The following PREX1 variants were observed in gnomAD, a reference collection of about 807,000 sequenced individuals.
PREX1 encodes phosphatidylinositol 3,4,5-trisphosphate-dependent Rac exchanger 1 protein.
A neutral mutation model predicts 198.3 loss-of-function variants in PREX1; 41 were observed. The observed-to-expected ratio is 0.21, with a 90% confidence interval of 0.16 to 0.27. The LOEUF is 0.27. Among genes scored for constraint, PREX1 ranks in the 10% least tolerant of loss-of-function variants. The pLI, the probability that PREX1 is intolerant of heterozygous loss-of-function variation, is 1.00. For missense variants in PREX1, 1,620 were observed against 2,200.7 expected (o/e 0.74, Z 5.28); for synonymous variants, 843 against 887.2 (o/e 0.95, Z 0.89).
At chr20:48,789,940 G>A (rs2090330663) in intron 1 of PREX1, among the ~76,000 whole-genome samples, 1 of 152,072 alleles carries the variant, frequency 6.6e-6, no homozygotes, top group Admixed American at 6.6e-5. Flanking sequence ...AGTGAAGAAG[G>A]GGAGGAAAGA....
upstream of PREX1, among the ~76,000 whole-genome samples, chr20:48,828,488 G>T (rs1177785873): frequency 6.6e-6 from 1 of 152,064 alleles, no homozygotes; most frequent in Non-Finnish European, 1.5e-5. Flanking sequence ...GCCCCGCCAC[G>T]CGCGCCTCCG....
chr20:48,749,693 GC>G (rs2090125745), intron 1 of PREX1, among the ~76,000 whole-genome samples: 1 of 152,182 alleles, frequency 6.6e-6, no homozygotes, highest in East Asian at 1.9e-4. Flanking sequence ...ACAGAGGAAG[GC>G]AAGACACAGG....
At chr20:48,825,854 T>TCCCCCAC (rs1236798379) in intron 1 of PREX1, among the ~76,000 whole-genome samples, 1 of 145,588 alleles carries the variant, frequency 6.9e-6, no homozygotes, top group Non-Finnish European at 1.5e-5. Flanking sequence ...AACAAATTCT[T>TCCCCCAC]CCCCCACCCC....
At chr20:48,820,114 A>G (rs2090478123) in intron 1 of PREX1, among the ~76,000 whole-genome samples, 1 of 152,280 alleles carries the variant, frequency 6.6e-6, no homozygotes, top group South Asian at 2.1e-4. Context: ...TCAGGCGGGT[A>G]AACACAGATT....
intron 3 of PREX1, among the ~76,000 whole-genome samples, chr20:48,736,273 T>C (rs911804604): frequency 7.2e-5 from 11 of 151,990 alleles, no homozygotes; most frequent in Admixed American, 4.6e-4. Flanking sequence ...ATGTTACAAT[T>C]ACCCACAGTG....
chr20:48,821,365 T>C (rs563650759), intron 1 of PREX1, among the ~76,000 whole-genome samples: 10 of 152,308 alleles, frequency 6.6e-5, no homozygotes, highest in African/African-American at 2.2e-4. Context: ...ACGCAATTTA[T>C]GTCACCTGCA....
chr20:48,730,523 G>A (rs1601101365), intron 4 of PREX1, among the ~76,000 whole-genome samples: 2 of 152,142 alleles, frequency 1.3e-5, no homozygotes, highest in Non-Finnish European at 2.9e-5. Flanking sequence ...GAAGTCAGCA[G>A]AGGGATTCTG....
intron 29 of PREX1, among the ~76,000 whole-genome samples, chr20:48,641,882 G>T (rs868742993): frequency 9.2e-6 from 1 of 108,924 alleles, no homozygotes; most frequent in African/African-American, 3.0e-5. Flanking sequence ...AAGGAAGGAA[G>T]GAAGGAAGGA....
chr20:48,735,820 C>G, intron 3 of PREX1, among the ~76,000 whole-genome samples: 1 of 152,120 alleles, frequency 6.6e-6, no homozygotes, highest in East Asian at 1.9e-4. Context: ...CCCCTTAACC[C>G]CAGTGACAGT....
chr20:48,827,838 T>A lies in PREX1; in HGVS notation c.23A>T (p.Glu8Val), dbSNP rs1432828108. The change falls in exon 1 of 40, where the codon GAG becomes GTG. Residue 8 changes from glutamate (E) to valine (V), a missense_variant. By Grantham distance (121) the Glu-to-Val change is moderately radical. Coordinates refer to ENST00000371941, the MANE Select transcript of PREX1 (RefSeq NM_020820.4). The surrounding 1 kb of genome is among the most constrained non-coding windows in gnomAD (Gnocchi z 4.1). MEAPSGS[E>V]PGGDGAGDCA... The stretch of plus-strand genomic sequence containing the variant: ...GTCCCCGGCCCCGTCGCCGCCGGGC[T>A]CGCTGCCGCTGGGCGCCTCCATTCT... The A allele has an allele frequency of 4.0e-6, 4 of 988,934 alleles. No individual in the cohort carries two copies. In the African/African-American group the frequency reaches 7.1e-5, roughly 18 times the overall value. The allele number at this position is 988,934 out of a possible 1,614,324, so 61.3% of individuals were successfully genotyped here.
intron 7 of PREX1, among the ~76,000 whole-genome samples, chr20:48,697,002 A>ACACC (rs1348724199): frequency 9.6e-5 from 14 of 146,162 alleles, no homozygotes; most frequent in Admixed American, 3.4e-4. Context: ...ACACACACAC[A>ACACC]CCCTATTGGG....
chr20:48,809,123 A>G (rs1340881205), intron 1 of PREX1, among the ~76,000 whole-genome samples: 1 of 152,160 alleles, frequency 6.6e-6, no homozygotes, highest in Non-Finnish European at 1.5e-5. Context: ...ACAGTTCCTC[A>G]CACATGTGGG....
chr20:48,790,841 C>T lies in PREX1; in HGVS notation c.219+36801G>A, dbSNP rs531605119. Among the ~76,000 whole-genome samples the T allele has an allele frequency of 1.5e-3, 227 of 152,284 alleles. 2 individuals carry two copies. The highest frequency in any genetic ancestry group is 6.8e-3 in the Middle Eastern group (2 of 294). Reference sequence around the variant, plus strand: ...CCCACAGCCCAGCCCTCAGTGCACTCAACACTTTCCCTGCCATATCCCAAC... The same window carrying T: ...CCCACAGCCCAGCCCTCAGTGCACTTAACACTTTCCCTGCCATATCCCAAC... On this transcript the variant is annotated intron_variant, in intron 1 of 39. Coordinates refer to ENST00000371941, the MANE Select transcript of PREX1 (RefSeq NM_020820.4).
chr20:48,651,618 T>C (rs1347529319), intron 21 of PREX1, 35 bp from the exon 22 acceptor site: 2 of 1,588,616 alleles, frequency 1.3e-6, no homozygotes, highest in Non-Finnish European at 1.7e-6. Flanking sequence ...TGAGCAGAGA[T>C]CAGAGGGAGG....
chr20:48,653,368 T>A lies in PREX1; in HGVS notation c.2339A>T (p.Glu780Val), dbSNP rs778171025. ...GGTTTCCAGTAAACTTACCAGGGCC[T>A]CTTCGCGCCGACTCCGGAATGCCTG... ...HFQAFRSRREEALGLYQWIYH... is the reference protein window; with the variant it reads ...HFQAFRSRREVALGLYQWIYH... The change falls in exon 20 of 40, where the codon GAG becomes GTG. Residue 780 changes from glutamate (E) to valine (V), a missense_variant. Around this residue, in one of 7 missense-constraint regions of PREX1, gnomAD observed 514 missense variants for 611.6 expected, o/e 0.84. Coordinates refer to ENST00000371941, the MANE Select transcript of PREX1 (RefSeq NM_020820.4). 2 of 1,612,580 alleles carry A rather than the reference T, an allele frequency of 1.2e-6. No individual in the cohort carries two copies. The highest frequency in any genetic ancestry group is 8.5e-7 in the Non-Finnish European group (1 of 1,178,828).
intron 19 of PREX1, among the ~76,000 whole-genome samples, chr20:48,654,971 T>A (rs1601048703): frequency 6.6e-6 from 1 of 152,082 alleles, no homozygotes; most frequent in Non-Finnish European, 1.5e-5. Context: ...CTGGTGAGAG[T>A]GGACCCACAT....
Position 48,684,064 on chromosome 20 carries a change from A to G in PREX1, c.1335-2729T>C, listed in dbSNP as rs2089770171. On this transcript the variant is annotated intron_variant, in intron 10 of 39. Transcript: ENST00000371941. This position sits in a 1 kb window ranked among gnomAD's most constrained non-coding sequence, Gnocchi z 4.2. ...GAGAAGGCAATCTAGCTTGATGGGC[A>G]GTCTGAGAGTCAGGGATGGCATGGT... is the stretch of plus-strand genomic sequence containing the variant. Among the ~76,000 whole-genome samples, 1 of 152,168 alleles carries G rather than the reference A, an allele frequency of 6.6e-6. No individual in the cohort carries two copies. Among genetic ancestry groups the G allele is most frequent in the Admixed American group, 6.5e-5 (1 of 15,278 alleles).
intron 29 of PREX1, among the ~76,000 whole-genome samples, chr20:48,641,818 GAA>G (rs2089412052): frequency 7.8e-6 from 1 of 128,346 alleles, no homozygotes; most frequent in Non-Finnish European, 1.6e-5. Flanking sequence ...AAGAAAGAAA[GAA>G]AGAAAGAGAG....
intron 1 of PREX1, among the ~76,000 whole-genome samples, chr20:48,819,814 C>G (rs1885288): frequency 6.6e-6 from 1 of 152,230 alleles, no homozygotes; most frequent in Non-Finnish European, 1.5e-5. Context: ...TAGCACAGTG[C>G]CTGGCACACA....
Sources: gnomAD v4.1 joint callset for allele counts (sites outside exome capture counted in the v4.1 genomes callset) on GRCh38, gnomAD v4.1.1 for gene constraint, gnomAD v4.1.1 regional missense constraint, Gnocchi (gnomAD v3.1) non-coding constraint, MANE v1.5 for transcripts, NCBI Gene and HGNC (gene_info 2026-07-23, HGNC 2026-07-21) for gene names.